RGS10: variants seen among roughly 807,000 people sequenced by gnomAD.
The protein encoded by RGS10 is regulator of G protein signaling 10.
In RGS10, 11 loss-of-function variants were observed where a neutral mutation model predicts 23.5. The observed-to-expected ratio is 0.47, with a 90% CI of 0.29 to 0.77. RGS10 has a LOEUF of 0.77. Among genes scored for constraint, RGS10 ranks in the 30% least tolerant of loss-of-function variants. The pLI is 0.08. For missense variants in RGS10, 180 were observed against 226.3 expected (o/e 0.80, Z 1.31); for synonymous variants, 77 against 83.2 (o/e 0.92, Z 0.41).
chr10:119,532,510 T>C (rs1433418401), intron 1 of RGS10, among the ~76,000 whole-genome samples: 1 of 150,708 alleles, frequency 6.6e-6, no homozygotes, highest in Non-Finnish European at 1.5e-5. Flanking sequence ...AGCTCAGGAG[T>C]TCAAGACCAG....
At chr10:119,501,238 C>G (rs187323570) in intron 4 of RGS10, among the ~76,000 whole-genome samples, 2 of 152,240 alleles carry the variant, frequency 1.3e-5, no homozygotes, top group East Asian at 3.9e-4. Context: ...GACCTTTCCA[C>G]TTAACTCGCA....
rs369861052 is a variant in RGS10, at chr10:119,515,489, A to G, written c.399+20T>C. 4 of 1,613,696 alleles carry G rather than the reference A, an allele frequency of 2.5e-6. No individual in the cohort carries two copies. The East Asian group carries it at 6.7e-5, about 27-fold the overall frequency. ...AATGTAGGTTTTCAAATCAAGGTGC[A>G]GGCAGGGAAGTCGGGTTACCTGGTC... On this transcript the variant is annotated intron_variant, in intron 4 of 4. Coordinates refer to ENST00000369103, the MANE Select transcript of RGS10 (RefSeq NM_001005339.2).
chr10:119,514,896 C>G, intron 4 of RGS10, among the ~76,000 whole-genome samples: 1 of 152,244 alleles, frequency 6.6e-6, no homozygotes, highest in East Asian at 1.9e-4. Context: ...CCTTTCCCAG[C>G]GCAAATCAAT....
At chr10:119,528,041 T>C (rs1844294991) in intron 1 of RGS10, among the ~76,000 whole-genome samples, 1 of 152,118 alleles carries the variant, frequency 6.6e-6, no homozygotes, top group Admixed American at 6.5e-5. Context: ...TTTTGTTTGT[T>C]TGTTTGTTTT....
intron 4 of RGS10, among the ~76,000 whole-genome samples, chr10:119,504,422 C>T (rs1275070753): frequency 4.6e-5 from 7 of 152,176 alleles, no homozygotes; most frequent in Non-Finnish European, 1.0e-4. Flanking sequence ...GTGATCCACC[C>T]TCCTAGGCCT....
At chr10:119,500,654 G>C (rs1241917780) in intron 4 of RGS10, among the ~76,000 whole-genome samples, 2 of 151,260 alleles carry the variant, frequency 1.3e-5, no homozygotes, top group East Asian at 1.9e-4. Context: ...AGAGACAGTG[G>C]TGTTAAAAAG....
chr10:119,531,622 G>A (rs909514008), intron 1 of RGS10, among the ~76,000 whole-genome samples: 3 of 152,084 alleles, frequency 2.0e-5, no homozygotes, highest in African/African-American at 7.2e-5. Flanking sequence ...CACTAATGTG[G>A]TCCAGGCCCA....
At chr10:119,529,929 T>C (rs1342477191) in intron 1 of RGS10, among the ~76,000 whole-genome samples, 1 of 152,028 alleles carries the variant, frequency 6.6e-6, no homozygotes, top group Non-Finnish European at 1.5e-5. Flanking sequence ...CTGTCTCTAC[T>C]AAAAATACAA....
chr10:119,522,939 G>A (rs1489544769), intron 3 of RGS10, among the ~76,000 whole-genome samples: 3 of 151,110 alleles, frequency 2.0e-5, no homozygotes, highest in East Asian at 3.9e-4. Flanking sequence ...GTGCAGTGGC[G>A]CAATCATACC....
At position 119,519,919 on chromosome 10, in the gene RGS10, G is replaced by A. The variant is rs75887931; in HGVS notation, c.256-4267C>T. ...CTCCCCCAAGCTACTGACCCATGTAGCCAGTTGGTTTCTAGCAATGTGGGC... is the reference window on the plus strand; with the variant it reads ...CTCCCCCAAGCTACTGACCCATGTAACCAGTTGGTTTCTAGCAATGTGGGC... On this transcript the variant is annotated intron_variant, in intron 3 of 4. Transcript: ENST00000369103. 1.5e-3 allele frequency among the ~76,000 whole-genome samples: 229 copies of A among 152,254 alleles called. 2 individuals are homozygous for A. The East Asian group carries it at 0.039, about 26-fold the overall frequency.
Position 119,526,815 on chromosome 10 carries a change from G to T in RGS10, c.168+491C>A, listed in dbSNP as rs181359978. ...CACATATGGTCCTCCATCTGGCACC[G>T]GGGGCTTCTGCTGGTCAGAAAAGCT... On this transcript the variant is annotated intron_variant, in intron 2 of 4. Transcript: ENST00000369103. 3.5e-3 allele frequency among the ~76,000 whole-genome samples: 532 copies of T among 151,984 alleles called. 2 individuals carry two copies. Among genetic ancestry groups the T allele is most frequent in the African/African-American group, 0.012 (509 of 41,448 alleles).
chr10:119,510,990 TTA>T (rs1402518856), intron 4 of RGS10, among the ~76,000 whole-genome samples: 2 of 152,130 alleles, frequency 1.3e-5, no homozygotes, highest in Non-Finnish European at 2.9e-5. Flanking sequence ...AGTGCTGGGA[TTA>T]CAGGTGTGAG....
rs1027913935 is a variant in RGS10 at position 119,517,276 on chromosome 10, C to T, written c.256-1624G>A. The stretch of plus-strand genomic sequence containing the variant: ...AGCCTCACCAGCACTTGCAGGGAGA[C>T]GGCCCAGGTTGGGTGAACACCGAAA... On this transcript the variant is annotated intron_variant, in intron 3 of 4. Transcript: ENST00000369103. The surrounding 1 kb of genome is among the most constrained non-coding windows in gnomAD (Gnocchi z 5.0). 1.3e-5 allele frequency among the ~76,000 whole-genome samples: 2 copies of T among 152,250 alleles called. No homozygotes were observed. The highest frequency in any genetic ancestry group is 1.3e-4 in the Admixed American group (2 of 15,288).
intron 3 of RGS10, among the ~76,000 whole-genome samples, chr10:119,518,936 C>A (rs1844177594): frequency 6.6e-6 from 1 of 152,186 alleles, no homozygotes; most frequent in South Asian, 2.1e-4. Flanking sequence ...GAACTCCCAG[C>A]CTCAAGTGAT....
At chr10:119,500,998 G>A (rs1843947322) in intron 4 of RGS10, among the ~76,000 whole-genome samples, 2 of 152,128 alleles carry the variant, frequency 1.3e-5, no homozygotes, top group African/African-American at 2.4e-5. Context: ...CATGGCAGGT[G>A]CTCAGAGGGC....
At chr10:119,531,565 G>T (rs1589841837) in intron 1 of RGS10, among the ~76,000 whole-genome samples, 1 of 152,090 alleles carries the variant, frequency 6.6e-6, no homozygotes, top group South Asian at 2.1e-4. Flanking sequence ...AGGTTTATGT[G>T]TTCAAATGTG....
chr10:119,534,590 C>CA (rs561361616), intron 1 of RGS10, among the ~76,000 whole-genome samples: 36,430 of 72,956 alleles, frequency 0.5, 9,333 homozygotes, highest in Middle Eastern at 0.65. Flanking sequence ...GACTCTGTCT[C>CA]AAAAAAAAAA....
At chr10:119,509,270 C>T in intron 4 of RGS10, among the ~76,000 whole-genome samples, 1 of 151,948 alleles carries the variant, frequency 6.6e-6, no homozygotes, top group Non-Finnish European at 1.5e-5. Context: ...AAGTCTTGTC[C>T]ACAATCTCAC....
Position 119,542,646 on chromosome 10 carries a change from G to T in RGS10, c.-8C>A. ...CACGGCGCGGTTGAACATCGCCGCGGGCGCCCGAGGAGGAAGAAGGAGCAG... is the reference window on the plus strand; with the variant it reads ...CACGGCGCGGTTGAACATCGCCGCGTGCGCCCGAGGAGGAAGAAGGAGCAG... On this transcript the variant is annotated 5_prime_UTR_variant, in exon 1 of 5. Transcript: ENST00000369103. 7.1e-7 allele frequency: 1 copy of T among 1,400,530 alleles called. No individual in the cohort carries two copies. Among genetic ancestry groups the T allele is most frequent in the Non-Finnish European group, 9.3e-7 (1 of 1,073,764 alleles). 86.8% of individuals were successfully genotyped at this position (1,400,530 alleles called of 1,614,324 possible). A position where few individuals can be genotyped will look rare whatever the true frequency, so the allele number is the denominator to read the frequency against.
Sources: gnomAD v4.1 joint callset for allele counts (sites outside exome capture counted in the v4.1 genomes callset) on GRCh38, gnomAD v4.1.1 for gene constraint, Gnocchi (gnomAD v3.1) non-coding constraint, MANE v1.5 for transcripts, NCBI Gene and HGNC (gene_info 2026-07-23, HGNC 2026-07-21) for gene names.